ADAM2: variants seen among roughly 807,000 people sequenced by gnomAD.
The protein encoded by ADAM2 is disintegrin and metalloproteinase domain-containing protein 2.
ADAM2 carries 101 observed loss-of-function variants against 99.3 expected under a neutral mutation model. The ratio of observed to expected loss-of-function variants is 1.02; its 90% confidence interval spans 0.87 to 1.20. The LOEUF (loss-of-function observed/expected upper bound fraction) is 1.20, where lower values mean the gene tolerates loss of function less well. Among genes scored for constraint, ADAM2 ranks in the 50% most tolerant of loss-of-function variants. The probability of loss-of-function intolerance (pLI) is 0.00; values close to 1 mark genes in which losing one functional copy is unlikely to be tolerated. For synonymous variants in ADAM2, 323 were observed against 287.6 expected (o/e 1.12, Z -1.25); for missense variants, 948 against 878.7 (o/e 1.08, Z -1.00).
At chr8:39,789,600 C>T (rs1469055251) in intron 7 of ADAM2, among the ~76,000 whole-genome samples, 2 of 151,720 alleles carry the variant, frequency 1.3e-5, no homozygotes, top group African/African-American at 4.8e-5. Flanking sequence ...ATTAGATTTA[C>T]AGATCAGTGA....
intron 6 of ADAM2, among the ~76,000 whole-genome samples, chr8:39,818,853 G>A (rs1487943509): frequency 6.6e-6 from 1 of 151,754 alleles, no homozygotes; most frequent in Admixed American, 6.6e-5. Context: ...CTTTACTGAA[G>A]ACTTAGGCTT....
Position 39,819,347 on chromosome 8 carries a change from T to A in ADAM2, c.513+1655A>T, listed in dbSNP as rs1040304200. On this transcript the variant is annotated intron_variant, in intron 6 of 20. Coordinates refer to ENST00000265708, the MANE Select transcript of ADAM2 (RefSeq NM_001464.5). ...ATATAAAAAAATTTGAATTTCTACC[T>A]CATCCAATAAAAAATATTAAAGTAT... Among the ~76,000 whole-genome samples the A allele has an allele frequency of 2.6e-5, 4 of 152,144 alleles. No individual in the cohort carries two copies. In the East Asian group the frequency reaches 5.8e-4, roughly 22 times the overall value.
At position 39,761,197 on chromosome 8, in the gene ADAM2, C is replaced by G; in HGVS notation, c.1592G>C (p.Gly531Ala). 1 of 1,598,948 alleles carries G rather than the reference C, an allele frequency of 6.3e-7. No individual in the cohort carries two copies. Among genetic ancestry groups the G allele is most frequent in the Middle Eastern group, 1.7e-4 (1 of 5,958 alleles). The change falls in exon 15 of 21, where the codon GGA becomes GCA. Residue 531 changes from glycine (G) to alanine (A), a missense_variant. Coordinates refer to ENST00000265708, the MANE Select transcript of ADAM2 (RefSeq NM_001464.5). ...VSGNCGISDS[G>A]YTQCEADNLQ... is the part of the protein sequence containing the mutation. Reference sequence around the variant, plus strand: ...ATACTCAGCTTCACACTGTGTGTATCCTGAATCACTTATACCACAGTTTCC... The same window carrying G: ...ATACTCAGCTTCACACTGTGTGTATGCTGAATCACTTATACCACAGTTTCC...
chr8:39,744,398 T>C (rs1358935307), intron 20 of ADAM2, among the ~76,000 whole-genome samples: 2 of 152,090 alleles, frequency 1.3e-5, no homozygotes, highest in Non-Finnish European at 2.9e-5. Context: ...TTAATATATA[T>C]TTATTTAATA....
chr8:39,795,895 A>T (rs1803916916), intron 7 of ADAM2, among the ~76,000 whole-genome samples: 1 of 152,178 alleles, frequency 6.6e-6, no homozygotes, highest in African/African-American at 2.4e-5. Flanking sequence ...CATGTTTCTC[A>T]CTGCACTTAC....
At chr8:39,786,143 C>T (rs912247436) in intron 10 of ADAM2, among the ~76,000 whole-genome samples, 1 of 152,018 alleles carries the variant, frequency 6.6e-6, no homozygotes, top group African/African-American at 2.4e-5. Context: ...ACACTAGAAA[C>T]CAGGAACTAC....
intron 7 of ADAM2, among the ~76,000 whole-genome samples, chr8:39,791,385 A>G (rs1174260328): frequency 6.6e-6 from 1 of 152,062 alleles, no homozygotes; most frequent in Non-Finnish European, 1.5e-5. Context: ...GCTTATGTCT[A>G]CTGGGTGCTG....
At chr8:39,783,857 C>A (rs541610377) in intron 10 of ADAM2, among the ~76,000 whole-genome samples, 2 of 151,972 alleles carry the variant, frequency 1.3e-5, no homozygotes, top group South Asian at 4.2e-4. Flanking sequence ...GAGGCTGAGG[C>A]AGGAGAATCG....
chr8:39,792,402 A>G (rs543385987), intron 7 of ADAM2, among the ~76,000 whole-genome samples: 32 of 152,202 alleles, frequency 2.1e-4, no homozygotes, highest in African/African-American at 7.7e-4. Context: ...AGTAGTTTCT[A>G]TAAGACCTCA....
intron 7 of ADAM2, among the ~76,000 whole-genome samples, chr8:39,794,850 T>C (rs1803872676): frequency 6.6e-6 from 1 of 152,090 alleles, no homozygotes; most frequent in Non-Finnish European, 1.5e-5. Flanking sequence ...GCTTCCTTCT[T>C]TAACTCGGTG....
chr8:39,789,583 G>T (rs1452358656), intron 7 of ADAM2, among the ~76,000 whole-genome samples: 1 of 151,602 alleles, frequency 6.6e-6, no homozygotes, highest in Non-Finnish European at 1.5e-5. Context: ...TTTGTTACTG[G>T]CCTTTTATTA....
chr8:39,783,171 A>G (rs968823045), intron 10 of ADAM2, among the ~76,000 whole-genome samples: 1 of 152,138 alleles, frequency 6.6e-6, no homozygotes, highest in African/African-American at 2.4e-5. Flanking sequence ...TTAAATCCAC[A>G]ATGCTCAGAC....
intron 14 of ADAM2, among the ~76,000 whole-genome samples, chr8:39,766,074 A>G (rs1285041118): frequency 1.3e-5 from 2 of 152,172 alleles, no homozygotes; most frequent in Non-Finnish European, 2.9e-5. Flanking sequence ...TCATCCCTCA[A>G]TAACTTCAGA....
At chr8:39,782,220 A>C (rs1181794127) in intron 10 of ADAM2, among the ~76,000 whole-genome samples, 1 of 152,000 alleles carries the variant, frequency 6.6e-6, no homozygotes, top group Non-Finnish European at 1.5e-5. Context: ...TTTTTGTCCT[A>C]AGTAGGTTCT....
intron 3 of ADAM2, among the ~76,000 whole-genome samples, chr8:39,826,645 C>G (rs1329769307): frequency 6.6e-6 from 1 of 151,792 alleles, no homozygotes; most frequent in African/African-American, 2.4e-5. Flanking sequence ...ATGGTGTGAA[C>G]CCAGGAGGCA....
chr8:39,790,408 A>G (rs1803657392), intron 7 of ADAM2, among the ~76,000 whole-genome samples: 1 of 151,980 alleles, frequency 6.6e-6, no homozygotes. Flanking sequence ...ACGGTAAATG[A>G]AAAAATAGTC....
Position 39,755,708 on chromosome 8 carries a change from G to A in ADAM2, c.1797+20C>T, listed in dbSNP as rs749851765. 1.9e-6 allele frequency: 3 copies of A among 1,577,702 alleles called. No individual in the cohort carries two copies. The highest frequency in any genetic ancestry group is 2.6e-6 in the Non-Finnish European group (3 of 1,153,126). ...AGTCTAAAATATTAGGAAATTATTT[G>A]GGAATAAAAGACTACCTACCTTATT... is the stretch of plus-strand genomic sequence containing the variant. On this transcript the variant is annotated intron_variant, in intron 16 of 20. Transcript: ENST00000265708.
At chr8:39,748,636 T>C (rs1823572857) in intron 18 of ADAM2, among the ~76,000 whole-genome samples, 1 of 152,176 alleles carries the variant, frequency 6.6e-6, no homozygotes, top group Non-Finnish European at 1.5e-5. Context: ...AAAATTCATC[T>C]AGGCTTTTCC....
chr8:39,831,747 G>A (rs564823184), intron 3 of ADAM2, among the ~76,000 whole-genome samples: 2 of 152,158 alleles, frequency 1.3e-5, no homozygotes, highest in South Asian at 4.2e-4. Flanking sequence ...CGAGAATAAA[G>A]CACGAAATCA....
Sources: gnomAD v4.1 joint callset for allele counts (sites outside exome capture counted in the v4.1 genomes callset) on GRCh38, gnomAD v4.1.1 for gene constraint, MANE v1.5 for transcripts, NCBI Gene and HGNC (gene_info 2026-07-23, HGNC 2026-07-21) for gene names.